The following MALRD1 variants were observed in gnomAD, a reference collection of about 807,000 sequenced individuals.
The protein encoded by MALRD1 is MAM and LDL receptor class A domain containing 1, also known as MAM and LDL-receptor class A domain-containing protein 1.
MALRD1 carries 247 observed loss-of-function variants against 242.1 expected under a neutral mutation model. The ratio of observed to expected loss-of-function variants is 1.02; its 90% confidence interval spans 0.92 to 1.13. MALRD1 has a LOEUF of 1.13. Ranked by LOEUF, MALRD1 falls within the 50% of genes most tolerant of loss-of-function variation. The pLI is 0.00. For synonymous variants in MALRD1, 995 were observed against 866.6 expected (o/e 1.15, Z -2.60); for missense variants, 2,989 against 2,533.1 (o/e 1.18, Z -3.86).
intron 36 of MALRD1, among the ~76,000 whole-genome samples, chr10:19,626,294 ATTT>A (rs35740836): frequency 3.7e-5 from 5 of 134,310 alleles, no homozygotes; most frequent in Admixed American, 7.6e-5. Flanking sequence ...TAAAATCAAG[ATTT>A]TTTTTTTTTT....
At chr10:19,558,533 A>G (rs1429352859) in intron 32 of MALRD1, among the ~76,000 whole-genome samples, 1 of 152,180 alleles carries the variant, frequency 6.6e-6, no homozygotes, top group Non-Finnish European at 1.5e-5. Flanking sequence ...ATGATGGATT[A>G]CATTAATTGA....
intron 26 of MALRD1, among the ~76,000 whole-genome samples, chr10:19,379,242 A>G (rs1404591918): frequency 6.6e-6 from 1 of 152,054 alleles, no homozygotes; most frequent in African/African-American, 2.4e-5. Context: ...TGATATGTGC[A>G]ACTAAACAGC....
chr10:19,104,271 G>T (rs908179129), intron 5 of MALRD1, among the ~76,000 whole-genome samples, 196 bp downstream of exon 5: 1 of 152,108 alleles, frequency 6.6e-6, no homozygotes, highest in African/African-American at 2.4e-5. Flanking sequence ...ACTGACTGAT[G>T]CTGTAAAGAA....
intron 18 of MALRD1, among the ~76,000 whole-genome samples, chr10:19,256,881 A>G (rs1839537647): frequency 6.6e-6 from 1 of 152,120 alleles, no homozygotes. Flanking sequence ...AACATAATGT[A>G]TTTTTCTAAG....
intron 36 of MALRD1, among the ~76,000 whole-genome samples, chr10:19,683,685 A>G (rs1842464666): frequency 6.6e-6 from 1 of 152,050 alleles, no homozygotes; most frequent in Non-Finnish European, 1.5e-5. Context: ...TTATTATGTT[A>G]TGAGAGTGTT....
At chr10:19,193,667 A>G (rs1836094921) in intron 14 of MALRD1, among the ~76,000 whole-genome samples, 1 of 152,184 alleles carries the variant, frequency 6.6e-6, no homozygotes, top group Non-Finnish European at 1.5e-5. Flanking sequence ...AATATAAATA[A>G]TTCCTTATAT....
chr10:19,215,156 T>A (rs1837252869), intron 18 of MALRD1, among the ~76,000 whole-genome samples: 1 of 152,144 alleles, frequency 6.6e-6, no homozygotes, highest in Non-Finnish European at 1.5e-5. Flanking sequence ...CCATGTTTTA[T>A]CTTCTGTTAC....
intron 32 of MALRD1, among the ~76,000 whole-genome samples, chr10:19,559,605 A>G (rs911328546): frequency 5.9e-5 from 9 of 152,176 alleles, no homozygotes; most frequent in Non-Finnish European, 1.0e-4. Flanking sequence ...CTAAAACACC[A>G]AAAGCAATGG....
At chr10:19,634,993 C>G (rs1215419622) in intron 36 of MALRD1, among the ~76,000 whole-genome samples, 1 of 152,144 alleles carries the variant, frequency 6.6e-6, no homozygotes, top group Non-Finnish European at 1.5e-5. Flanking sequence ...TTGCCTTGAT[C>G]TGTAGCTTTT....
chr10:19,530,448 A>AAATATTATATCATATG (rs1554793525), intron 31 of MALRD1, among the ~76,000 whole-genome samples: 1 of 100,184 alleles, frequency 1.0e-5, no homozygotes, highest in East Asian at 2.5e-4. Flanking sequence ...AATATATAAT[A>AAATATTATATCATATG]TATAATATAT....
At chr10:19,466,198 A>C (rs1446246364) in intron 29 of MALRD1, among the ~76,000 whole-genome samples, 2 of 152,082 alleles carry the variant, frequency 1.3e-5, no homozygotes, top group Admixed American at 6.5e-5. Context: ...ATTTATTCAG[A>C]AGTGGTCTGT....
At chr10:19,208,152 G>A (rs781163691) in intron 17 of MALRD1, among the ~76,000 whole-genome samples, 7 of 152,028 alleles carry the variant, frequency 4.6e-5, no homozygotes, top group Non-Finnish European at 8.8e-5. Context: ...CATCAGATAA[G>A]GCGAGACTGC....
intron 36 of MALRD1, among the ~76,000 whole-genome samples, chr10:19,635,783 C>T (rs1296321382): frequency 6.6e-6 from 1 of 152,150 alleles, no homozygotes; most frequent in Non-Finnish European, 1.5e-5. Context: ...TGCTCTCACA[C>T]ACATGCATGC....
At chr10:19,266,742 C>T (rs1297610664) in intron 19 of MALRD1, among the ~76,000 whole-genome samples, 1 of 151,816 alleles carries the variant, frequency 6.6e-6, no homozygotes, top group Non-Finnish European at 1.5e-5. Context: ...ATCCATTAGG[C>T]AAAATTAATT....
At chr10:19,492,953 AT>A (rs1395682625) in intron 30 of MALRD1, among the ~76,000 whole-genome samples, 1 of 152,112 alleles carries the variant, frequency 6.6e-6, no homozygotes, top group Non-Finnish European at 1.5e-5. Flanking sequence ...CTCATTTTCT[AT>A]TTAAAATTTT....
intron 28 of MALRD1, among the ~76,000 whole-genome samples, chr10:19,434,472 CAT>C (rs1027786041): frequency 6.6e-6 from 1 of 151,842 alleles, no homozygotes; most frequent in African/African-American, 2.4e-5. Context: ...ATATAATTAA[CAT>C]ATATATAAAC....
chr10:19,657,641 C>T (rs1841223331), intron 36 of MALRD1, among the ~76,000 whole-genome samples: 1 of 151,940 alleles, frequency 6.6e-6, no homozygotes, highest in Non-Finnish European at 1.5e-5. Flanking sequence ...ATAATAATCA[C>T]ATCATGGAGA....
At chr10:19,503,530 T>C (rs1021957557) in intron 31 of MALRD1, among the ~76,000 whole-genome samples, 6 of 152,220 alleles carry the variant, frequency 3.9e-5, no homozygotes, top group Admixed American at 1.3e-4. Context: ...GAATACTGTT[T>C]AGACTTAATG....
At chr10:19,351,567 G>T (rs1285063422) in intron 25 of MALRD1, among the ~76,000 whole-genome samples, 1 of 152,040 alleles carries the variant, frequency 6.6e-6, no homozygotes, top group Non-Finnish European at 1.5e-5. Flanking sequence ...ATAAGCAAAA[G>T]AAGAAAATAA....
Sources: allele counts gnomAD v4.1 joint callset (sites outside exome capture counted in the v4.1 genomes callset), GRCh38; gene constraint gnomAD v4.1.1; transcripts MANE v1.5; gene names NCBI Gene and HGNC (gene_info 2026-07-23, HGNC 2026-07-21).